The following UBE2D3 variants were observed in gnomAD, a reference collection of about 807,000 sequenced individuals.
UBE2D3 encodes the protein ubiquitin conjugating enzyme E2 D3, also known as ubiquitin-conjugating enzyme E2 D3.
A neutral mutation model predicts 22.8 loss-of-function variants in UBE2D3; 2 were observed. That is an observed-to-expected ratio of 0.09 (90% CI 0.04 to 0.28). The LOEUF is 0.28. Among genes scored for constraint, UBE2D3 ranks in the 10% least tolerant of loss-of-function variants. The probability of loss-of-function intolerance (pLI) is 1.00; values close to 1 mark genes in which losing one functional copy is unlikely to be tolerated. For synonymous variants in UBE2D3, 56 were observed against 60.4 expected (o/e 0.93, Z 0.34); for missense variants, 27 against 182.5 (o/e 0.15, Z 4.91).
In UBE2D3 at chr4:102,819,706, C is replaced by T. The variant is rs1489458747; in HGVS notation, c.24+6779G>A. Reference sequence around the variant, plus strand: ...CTTTAAGACAGTAAAATTATCACCACGATGTTCCACAAATCATTTGTTATC... The same window carrying T: ...CTTTAAGACAGTAAAATTATCACCATGATGTTCCACAAATCATTTGTTATC... On this transcript the variant is annotated intron_variant, in intron 2 of 7. Coordinates refer to ENST00000453744, the MANE Select transcript of UBE2D3 (RefSeq NM_181891.3). 1.0e-5 allele frequency: 5 copies of T among 478,240 alleles called. No homozygotes were observed. The Admixed American group carries it at 1.9e-4, about 18-fold the overall frequency. The allele number at this position is 478,240 out of a possible 1,614,324, so 29.6% of individuals were successfully genotyped here.
chr4:102,805,545 G>A (rs972719321), intron 4 of UBE2D3, among the ~76,000 whole-genome samples: 21 of 150,912 alleles, frequency 1.4e-4, no homozygotes, highest in African/African-American at 4.6e-4. Context: ...GGAGTGCAGT[G>A]GTGTGATCTC....
At chr4:102,811,623 G>A in intron 2 of UBE2D3, 2 of 313,924 alleles carry the variant, frequency 6.4e-6, no homozygotes, top group South Asian at 4.9e-5. Context: ...AGAGGCTGCA[G>A]ATCGCGCCAC....
chr4:102,860,173 T>C (rs1421830833), intron 1 of UBE2D3, among the ~76,000 whole-genome samples: 1 of 148,352 alleles, frequency 6.7e-6, no homozygotes, highest in Non-Finnish European at 1.5e-5. Flanking sequence ...GTGGTTTCTT[T>C]GTTGAAATTC....
At chr4:102,832,050 A>C (rs925231865), upstream of UBE2D3, among the ~76,000 whole-genome samples, 1 of 152,218 alleles carries the variant, frequency 6.6e-6, no homozygotes, top group Non-Finnish European at 1.5e-5. Context: ...AACATCATAG[A>C]GTGGGTTCAG....
intron 1 of UBE2D3, chr4:102,843,999 A>G (rs223366): frequency 0.55 from 83,516 of 151,928 alleles, 23,397 homozygotes; most frequent in Non-Finnish European, 0.59. Flanking sequence ...GATCAGTATC[A>G]TGTCAACATG....
At chr4:102,832,350 A>G (rs1255786895), upstream of UBE2D3, among the ~76,000 whole-genome samples, 2 of 152,056 alleles carry the variant, frequency 1.3e-5, no homozygotes, top group African/African-American at 4.8e-5. Flanking sequence ...AAAGATGAGG[A>G]GACAAGATAG....
intron 2 of UBE2D3, chr4:102,811,684 A>G: frequency 2.6e-6 from 1 of 384,522 alleles, no homozygotes; most frequent in Non-Finnish European, 5.0e-6. Context: ...ACAACAAAAA[A>G]AAAACCCCAG....
intron 6 of UBE2D3, 100 bp from the exon 7 acceptor site, chr4:102,799,600 T>C: frequency 1.3e-6 from 1 of 776,378 alleles, no homozygotes. Flanking sequence ...AAAAGACTTT[T>C]ATTAGTTTGT....
chr4:102,842,847 C>T lies in UBE2D3; in HGVS notation c.-128-16211G>A, dbSNP rs566966118. Among the ~76,000 whole-genome samples the T allele has an allele frequency of 5.4e-4, 65 of 120,596 alleles. No individual in the cohort carries two copies. In the East Asian group the frequency reaches 0.01, roughly 19 times the overall value. 79.1% of individuals were successfully genotyped at this position (120,596 alleles called of 152,430 possible). A position where few individuals can be genotyped will look rare whatever the true frequency, so the allele number is the denominator to read the frequency against. ...AGTTTTGGCCAGGCGTGGTGGCTCA[C>T]GCCTGTAATCCCAGCACTTCGGGAG... On this transcript the variant is annotated intron_variant, in intron 1 of 7. Transcript: ENST00000338145.
intron 2 of UBE2D3, among the ~76,000 whole-genome samples, chr4:102,823,040 ACTATTT>A (rs1207705992): frequency 6.6e-6 from 1 of 152,216 alleles, no homozygotes; most frequent in African/African-American, 2.4e-5. Flanking sequence ...TGACTAGACG[ACTATTT>A]CTCTGAGCCT....
At chr4:102,824,918 T>C (rs1730218289) in intron 2 of UBE2D3, among the ~76,000 whole-genome samples, 1 of 152,274 alleles carries the variant, frequency 6.6e-6, no homozygotes, top group Non-Finnish European at 1.5e-5. Context: ...ATTTTTACTT[T>C]AATCCTTAAC....
chr4:102,833,955 G>T (rs531854878), intron 1 of UBE2D3, among the ~76,000 whole-genome samples: 1 of 152,182 alleles, frequency 6.6e-6, no homozygotes, highest in Admixed American at 6.5e-5. Context: ...TACTGAAGCC[G>T]AATAGGAAGA....
At chr4:102,827,247 G>GCCCATT in intron 1 of UBE2D3, 180 bp downstream of exon 1, 1 of 969,528 alleles carries the variant, frequency 1.0e-6, no homozygotes, top group Non-Finnish European at 1.2e-6. Context: ...GCGAGGACGC[G>GCCCATT]CCCATTCCCC....
chr4:102,827,266 C>G (rs1213099817), intron 1 of UBE2D3, 161 bp downstream of exon 1: 21 of 951,612 alleles, frequency 2.2e-5, no homozygotes, highest in Non-Finnish European at 2.6e-5. Context: ...CCCTCCTCCT[C>G]CAGCAGGAGA....
intron 7 of UBE2D3, chr4:102,799,039 A>C (rs1725702739): frequency 4.0e-6 from 6 of 1,493,920 alleles, no homozygotes; most frequent in Non-Finnish European, 5.6e-6. Flanking sequence ...GGTTAAGTTG[A>C]ACATAAATAT....
chr4:102,817,779 A>G lies in UBE2D3; in HGVS notation c.25-7924T>C, dbSNP rs550531077. ...AATCCAGTACTATTTTTCAAGTTACATGGCCTGAGAAAATGATTCTATCCC... is the reference window on the plus strand; with the variant it reads ...AATCCAGTACTATTTTTCAAGTTACGTGGCCTGAGAAAATGATTCTATCCC... On this transcript the variant is annotated intron_variant, in intron 2 of 7. Transcript: ENST00000453744. Among the ~76,000 whole-genome samples the G allele has an allele frequency of 1.4e-4, 21 of 152,288 alleles. No homozygotes were observed. In the South Asian group the frequency reaches 4.4e-3, roughly 32 times the overall value.
intron 1 of UBE2D3, among the ~76,000 whole-genome samples, chr4:102,863,492 G>A (rs1732999662): frequency 6.6e-6 from 1 of 151,914 alleles, no homozygotes; most frequent in Non-Finnish European, 1.5e-5. Context: ...CAACATTGGG[G>A]ATCAAATTTC....
At chr4:102,827,294 C>T (rs1048606830) in intron 1 of UBE2D3, 133 bp downstream of exon 1, 1 of 956,482 alleles carries the variant, frequency 1.0e-6, no homozygotes, top group Non-Finnish European at 1.2e-6. Context: ...GCTTCCCCAA[C>T]CTTCCCACCC....
Position 102,814,251 on chromosome 4 carries a change from C to CT in UBE2D3, c.25-4397dup, listed in dbSNP as rs1225050626. Among the ~76,000 whole-genome samples the CT allele has an allele frequency of 6.7e-3, 932 of 139,928 alleles. 14 individuals carry two copies. Among genetic ancestry groups the CT allele is most frequent in the African/African-American group, 0.018 (695 of 38,302 alleles). 91.8% of individuals were successfully genotyped at this position (139,928 alleles called of 152,430 possible). A position where few individuals can be genotyped will look rare whatever the true frequency, so the allele number is the denominator to read the frequency against. ...CTGAACCAAATCAGTATTTCAGAAG[C>CT]TTTTTTTTTTTTGCAACTTAAATTA... On this transcript the variant is annotated intron_variant, in intron 2 of 7. Transcript: ENST00000453744.
Sources: gnomAD v4.1 joint callset for allele counts (sites outside exome capture counted in the v4.1 genomes callset) on GRCh38, gnomAD v4.1.1 for gene constraint, MANE v1.5 for transcripts, NCBI Gene and HGNC (gene_info 2026-07-23, HGNC 2026-07-21) for gene names.